IL1RAPL1: variants seen among roughly 807,000 people sequenced by gnomAD.
The protein encoded by IL1RAPL1 is interleukin 1 receptor accessory protein like 1, also known as interleukin-1 receptor accessory protein-like 1.
IL1RAPL1 carries 3 observed loss-of-function variants against 48.4 expected under a neutral mutation model. The observed-to-expected ratio is 0.06, with a 90% CI of 0.03 to 0.16. IL1RAPL1 has a LOEUF of 0.16. Among genes scored for constraint, IL1RAPL1 ranks in the 10% least tolerant of loss-of-function variants. The pLI is 1.00. For synonymous variants in IL1RAPL1, 185 were observed against 187.7 expected, an observed-to-expected ratio of 0.99 and a Z score of 0.12; for missense variants, 349 against 530.6, an observed-to-expected ratio of 0.66 and a Z score of 3.36.
intron 8 of IL1RAPL1, among the ~76,000 whole-genome samples, chrX:29,941,227 G>A (rs757164119): frequency 2.7e-5 from 3 of 112,128 alleles, no homozygotes; most frequent in South Asian, 3.7e-4. Flanking sequence ...TGGCTTAAAA[G>A]CTTCATATCC....
At chrX:29,391,097 C>A (rs1933847841) in intron 3 of IL1RAPL1, among the ~76,000 whole-genome samples, 1 of 109,883 alleles carries the variant, frequency 9.1e-6, no homozygotes, top group African/African-American at 3.3e-5. Context: ...TCGCTTGAAC[C>A]CGGGAGGTGG....
rs183846918 is a variant in IL1RAPL1 at position 29,386,210 on chromosome X, G to T, written c.363-10048G>T. On this transcript the variant is annotated intron_variant, in intron 3 of 10. Coordinates refer to ENST00000378993, the MANE Select transcript of IL1RAPL1 (RefSeq NM_014271.4). ...AACCTGGTTAATTTTTGTATTTTTAGTAGAGACGGGGATTTCACCGTCTTG... is the reference window on the plus strand; with the variant it reads ...AACCTGGTTAATTTTTGTATTTTTATTAGAGACGGGGATTTCACCGTCTTG... 1.6e-3 allele frequency among the ~76,000 whole-genome samples: 173 copies of T among 110,907 alleles called. 2 individuals carry two copies. Among genetic ancestry groups the T allele is most frequent in the African/African-American group, 5.1e-3 (155 of 30,471 alleles).
intron 5 of IL1RAPL1, among the ~76,000 whole-genome samples, chrX:29,636,353 C>T (rs1924966656): frequency 9.0e-6 from 1 of 111,601 alleles, no homozygotes; most frequent in Admixed American, 9.5e-5. Flanking sequence ...TATTTTTCGC[C>T]CATCAGATTG....
chrX:29,174,299 A>G (rs16988467), intron 2 of IL1RAPL1, among the ~76,000 whole-genome samples: 3,052 of 112,169 alleles, frequency 0.027, 117 homozygotes, highest in African/African-American at 0.094. Context: ...ATGAATGTGC[A>G]GAAAAATTGC....
intron 6 of IL1RAPL1, among the ~76,000 whole-genome samples, chrX:29,759,559 A>G (rs931002035): frequency 9.0e-6 from 1 of 111,706 alleles, no homozygotes; most frequent in Non-Finnish European, 1.9e-5. Context: ...TACTTGGAAA[A>G]CAGTATTGTT....
chrX:29,282,923 C>CT lies in IL1RAPL1; in HGVS notation c.83-8dup, dbSNP rs773751585. The CT allele has an allele frequency of 1.4e-5, 17 of 1,207,609 alleles. No homozygotes were observed. The highest frequency in any genetic ancestry group is 2.2e-5 in the Admixed American group (1 of 45,674). On this transcript the variant is annotated splice_polypyrimidine_tract_variant and intron_variant, in intron 2 of 10. Coordinates refer to ENST00000378993, the MANE Select transcript of IL1RAPL1 (RefSeq NM_014271.4). ...ATGTTTTTCCTCTCTTTCTCTGTCT[C>CT]TTTTTTTACGATAGCCGATGGATGC...
intron 2 of IL1RAPL1, among the ~76,000 whole-genome samples, chrX:28,943,298 G>A (rs1263852993): frequency 9.1e-6 from 1 of 109,813 alleles, no homozygotes. Context: ...ACAGAAATGA[G>A]ATTAAGGTAG....
intron 6 of IL1RAPL1, among the ~76,000 whole-genome samples, chrX:29,868,036 T>C (rs150479187): frequency 1.6e-4 from 18 of 112,304 alleles, no homozygotes; most frequent in Non-Finnish European, 1.1e-4. Flanking sequence ...TAGCTTGTAG[T>C]TGGCCATGAA....
At chrX:29,082,673 CA>C (rs899155896) in intron 2 of IL1RAPL1, among the ~76,000 whole-genome samples, 1 of 111,814 alleles carries the variant, frequency 8.9e-6, no homozygotes, top group Admixed American at 9.5e-5. Context: ...TGAAATCAAA[CA>C]CCCAAAGAAC....
Position 28,866,262 on chromosome X carries a change from C to T in IL1RAPL1, c.82+76837C>T, listed in dbSNP as rs188591690. ...TGGAACTGGAGACTATTATTCTAAGCAAAGTAATTCAGAATGGAAAACCAC... is the reference window on the plus strand; with the variant it reads ...TGGAACTGGAGACTATTATTCTAAGTAAAGTAATTCAGAATGGAAAACCAC... On this transcript the variant is annotated intron_variant, in intron 2 of 10. Transcript: ENST00000378993. Among the ~76,000 whole-genome samples the T allele has an allele frequency of 6.4e-4, 72 of 111,859 alleles. No homozygotes were observed. The Middle Eastern group carries it at 0.014, about 22-fold the overall frequency.
chrX:28,614,981 C>T (rs775934193), intron 1 of IL1RAPL1, among the ~76,000 whole-genome samples: 3 of 110,582 alleles, frequency 2.7e-5, no homozygotes, highest in East Asian at 2.9e-4. Flanking sequence ...CTCCGCCTCC[C>T]GGCTTCACTC....
At chrX:29,204,186 G>C (rs1334630603) in intron 2 of IL1RAPL1, among the ~76,000 whole-genome samples, 2 of 111,892 alleles carry the variant, frequency 1.8e-5, no homozygotes, top group African/African-American at 6.5e-5. Flanking sequence ...AAACAGGAGT[G>C]AGAATATCTC....
intron 2 of IL1RAPL1, among the ~76,000 whole-genome samples, chrX:29,190,521 C>T (rs1277430928): frequency 8.9e-6 from 1 of 111,911 alleles, no homozygotes; most frequent in Non-Finnish European, 1.9e-5. Flanking sequence ...GCACTTAGCA[C>T]AGTTGATGGG....
At chrX:28,826,828 T>G (rs1936998428) in intron 2 of IL1RAPL1, among the ~76,000 whole-genome samples, 1 of 110,153 alleles carries the variant, frequency 9.1e-6, no homozygotes, top group Admixed American at 9.7e-5. Flanking sequence ...TTTAGCTCCG[T>G]TAGCACTGGA....
At chrX:29,734,455 G>A (rs1927997778) in intron 6 of IL1RAPL1, among the ~76,000 whole-genome samples, 1 of 111,939 alleles carries the variant, frequency 8.9e-6, no homozygotes, top group African/African-American at 3.3e-5. Context: ...CACCAGGACA[G>A]GACGCGGTAC....
At chrX:28,993,464 T>A (rs942567764) in intron 2 of IL1RAPL1, among the ~76,000 whole-genome samples, 1 of 111,459 alleles carries the variant, frequency 9.0e-6, no homozygotes, top group Non-Finnish European at 1.9e-5. Context: ...ATAATATAAT[T>A]TGAAGATACA....
At chrX:29,482,277 C>T (rs1006464611) in intron 5 of IL1RAPL1, among the ~76,000 whole-genome samples, 1 of 111,480 alleles carries the variant, frequency 9.0e-6, no homozygotes, top group Non-Finnish European at 1.9e-5. Flanking sequence ...GCTCTCAAGA[C>T]CTATTGTTCA....
chrX:28,788,770 A>C (rs995218946), intron 1 of IL1RAPL1, among the ~76,000 whole-genome samples: 1 of 110,696 alleles, frequency 9.0e-6, no homozygotes, highest in African/African-American at 3.3e-5. Context: ...GCCTGGCCAG[A>C]GTATACATTC....
At chrX:29,818,500 G>C (rs986877758) in intron 6 of IL1RAPL1, among the ~76,000 whole-genome samples, 2 of 112,375 alleles carry the variant, frequency 1.8e-5, no homozygotes, top group Non-Finnish European at 3.8e-5. Context: ...AAAGCAGAAT[G>C]CTGGCCAATG....
Sources: allele counts gnomAD v4.1 joint callset (sites outside exome capture counted in the v4.1 genomes callset), GRCh38; gene constraint gnomAD v4.1.1; transcripts MANE v1.5; gene names NCBI Gene and HGNC (gene_info 2026-07-23, HGNC 2026-07-21).